SERPINB5: variants seen among roughly 807,000 people sequenced by gnomAD.
The protein encoded by SERPINB5 is serpin B5.
In SERPINB5, 27 loss-of-function variants were observed where a neutral mutation model predicts 32.2. The ratio of observed to expected loss-of-function variants is 0.84; its 90% CI spans 0.62 to 1.16. The LOEUF (loss-of-function observed/expected upper bound fraction) is 1.16. Ranked by LOEUF, SERPINB5 falls within the 50% of genes most tolerant of loss-of-function variation. SERPINB5 has a pLI of 0.00. For synonymous variants in SERPINB5, 154 were observed against 157.4 expected, an observed-to-expected ratio of 0.98 and a Z score of 0.16; for missense variants, 388 against 436.3, an observed-to-expected ratio of 0.89 and a Z score of 0.99.
At chr18:63,500,862 A>G (rs189635961) in intron 6 of SERPINB5, among the ~76,000 whole-genome samples, 38 of 151,868 alleles carry the variant, frequency 2.5e-4, no homozygotes, top group Middle Eastern at 3.4e-3. Context: ...ACTGAATTAT[A>G]ATTCCTGTCC....
At chr18:63,494,337 A>G (rs1036839936) in intron 5 of SERPINB5, among the ~76,000 whole-genome samples, 3 of 151,478 alleles carry the variant, frequency 2.0e-5, no homozygotes, top group Non-Finnish European at 4.4e-5. Flanking sequence ...AAAAAAAAAA[A>G]AAAAAAAAGA....
intron 5 of SERPINB5, among the ~76,000 whole-genome samples, chr18:63,494,447 T>C (rs1909407983): frequency 6.6e-6 from 1 of 152,044 alleles, no homozygotes. Flanking sequence ...GATGATGTGA[T>C]GTGGTCTCCG....
intron 1 of SERPINB5, among the ~76,000 whole-genome samples, chr18:63,478,026 C>T (rs1917063326): frequency 1.3e-5 from 2 of 152,162 alleles, no homozygotes; most frequent in Admixed American, 1.3e-4. Context: ...CTACATCTCC[C>T]GGGAGGTTTT....
chr18:63,482,083 G>C (rs536679155), intron 1 of SERPINB5, among the ~76,000 whole-genome samples: 2 of 152,258 alleles, frequency 1.3e-5, no homozygotes, highest in East Asian at 1.9e-4. Context: ...ATTATTTTTG[G>C]ATAATGAACT....
chr18:63,497,497 CT>C, intron 5 of SERPINB5: 1 of 191,488 alleles, frequency 5.2e-6, no homozygotes, highest in Non-Finnish European at 9.1e-6. Flanking sequence ...CACAACGTTT[CT>C]GAAAAAAAAA....
intron 4 of SERPINB5, chr18:63,490,703 T>C (rs939867479): frequency 6.6e-6 from 1 of 152,244 alleles, no homozygotes; most frequent in Non-Finnish European, 1.5e-5. Flanking sequence ...TCTGGAGTCA[T>C]TCAGCACCTA....
At chr18:63,497,283 C>T in intron 5 of SERPINB5, 2 of 1,169,622 alleles carry the variant, frequency 1.7e-6, no homozygotes, top group Non-Finnish European at 2.5e-6. Flanking sequence ...TTGGTTATTC[C>T]AGGAACCCAT....
intron 2 of SERPINB5, chr18:63,486,129 G>A (rs773932189): frequency 2.0e-5 from 3 of 151,994 alleles, no homozygotes; most frequent in African/African-American, 7.3e-5. Context: ...AATATTTTAC[G>A]TGTTTTACAT....
At chr18:63,479,277 A>G (rs760380259) in intron 1 of SERPINB5, among the ~76,000 whole-genome samples, 1 of 152,204 alleles carries the variant, frequency 6.6e-6, no homozygotes, top group Non-Finnish European at 1.5e-5. Flanking sequence ...TGGGATGTAT[A>G]TATCCTACCC....
chr18:63,479,912 G>C (rs554348330), intron 1 of SERPINB5, among the ~76,000 whole-genome samples: 1 of 152,334 alleles, frequency 6.6e-6, no homozygotes, highest in East Asian at 1.9e-4. Context: ...TTCAAGGGGA[G>C]ACTTCAGGAC....
intron 1 of SERPINB5, among the ~76,000 whole-genome samples, chr18:63,480,272 T>G (rs1212391834): frequency 1.3e-5 from 2 of 152,238 alleles, no homozygotes; most frequent in African/African-American, 4.8e-5. Context: ...CTGCTTGAAC[T>G]TCCATCTATC....
At chr18:63,486,041 G>GC (rs942046604) in intron 2 of SERPINB5, 57 of 151,670 alleles carry the variant, frequency 3.8e-4, no homozygotes, top group African/African-American at 1.4e-3. Flanking sequence ...AATGATTTAA[G>GC]CCCTCCAAAT....
At position 63,484,568 on chromosome 18, in the gene SERPINB5, A is replaced by C. The variant is rs1444116820; in HGVS notation, c.140A>C (p.Lys47Thr). The change falls in exon 2 of 7, where the codon AAA (lysine) becomes ACA (threonine). Residue 47 changes from lysine (K) to threonine (T), a missense_variant. Physicochemically the swap from Lys to Thr is moderately conservative, Grantham distance 78 (BLOSUM62 -1). Transcript: ENST00000382771. ...TSLSLAQVGA[K>T]GDTANEIGQV... ...CTGTCACTTGCTCAAGTGGGTGCTAAAGGTGACACTGCAAATGAAATTGGA... is the reference window on the plus strand; with the variant it reads ...CTGTCACTTGCTCAAGTGGGTGCTACAGGTGACACTGCAAATGAAATTGGA... The C allele has an allele frequency of 6.2e-7, 1 of 1,613,720 alleles. No homozygotes were observed. The highest frequency in any genetic ancestry group is 8.5e-7 in the Non-Finnish European group (1 of 1,179,920).
chr18:63,502,137 AT>A (rs11403937), intron 6 of SERPINB5, among the ~76,000 whole-genome samples: 10,301 of 138,886 alleles, frequency 0.074, 877 homozygotes, highest in African/African-American at 0.23. Context: ...TTTGGAAATG[AT>A]TTTTTTTTTT....
intron 6 of SERPINB5, among the ~76,000 whole-genome samples, chr18:63,503,098 C>T (rs1909602979): frequency 6.6e-6 from 1 of 152,100 alleles, no homozygotes; most frequent in Admixed American, 6.6e-5. Context: ...ACCCTGTCCT[C>T]ATAAATTTCA....
intron 5 of SERPINB5, among the ~76,000 whole-genome samples, chr18:63,495,617 C>T (rs140924843): frequency 2.0e-5 from 3 of 152,314 alleles, no homozygotes; most frequent in African/African-American, 7.2e-5. Flanking sequence ...TTGTGTCAAC[C>T]ACACTAAGGG....
intron 5 of SERPINB5, among the ~76,000 whole-genome samples, chr18:63,495,973 G>C (rs1335377735): frequency 6.6e-6 from 1 of 152,154 alleles, no homozygotes; most frequent in African/African-American, 2.4e-5. Context: ...GGTGTCTCCG[G>C]TAAGGGTTAG....
chr18:63,488,375 T>C (rs1219692271), intron 3 of SERPINB5, among the ~76,000 whole-genome samples: 5 of 152,242 alleles, frequency 3.3e-5, no homozygotes, highest in Admixed American at 6.5e-5. Context: ...TGGAATGATC[T>C]TAACCAGACT....
At chr18:63,489,281 TAGAAG>T (rs1442125295) in intron 3 of SERPINB5, 61 bp from the exon 4 acceptor site, 7 of 888,406 alleles carry the variant, frequency 7.9e-6, no homozygotes, top group Non-Finnish European at 1.3e-5. Context: ...ATCCTTTTGT[TAGAAG>T]AGAATAACAA....
Sources: gnomAD v4.1 joint callset for allele counts (sites outside exome capture counted in the v4.1 genomes callset) on GRCh38, gnomAD v4.1.1 for gene constraint, MANE v1.5 for transcripts, NCBI Gene and HGNC (gene_info 2026-07-23, HGNC 2026-07-21) for gene names.